MASP2: variants seen among roughly 807,000 people sequenced by gnomAD.
MASP2 encodes MBL associated serine protease 2.
In MASP2, 49 loss-of-function variants were observed where a neutral mutation model predicts 57.1. The ratio of observed to expected loss-of-function variants is 0.86; its 90% confidence interval spans 0.68 to 1.09. MASP2 has a LOEUF of 1.09. MASP2 is among the 50% of genes least tolerant of loss of function. MASP2 has a pLI of 0.00. For synonymous variants in MASP2, 379 were observed against 340.8 expected (o/e 1.11, Z -1.24); for missense variants, 900 against 874.8 (o/e 1.03, Z -0.36).
intron 7 of MASP2, among the ~76,000 whole-genome samples, chr1:11,036,510 CAAAAAAAAAAAAAAAA>C (rs35642467): frequency 3.7e-5 from 2 of 54,330 alleles, no homozygotes; most frequent in Admixed American, 3.5e-4. Context: ...GACTCCGTCT[CAAAAAAAAAAAAAAAA>C]AAAAAAAAAA....
chr1:11,027,559 A>G lies in MASP2; in HGVS notation c.1387T>C (p.Leu463=), dbSNP rs947493762. The G allele has an allele frequency of 3.7e-6, 6 of 1,614,098 alleles. No homozygotes were observed. Among genetic ancestry groups the G allele is most frequent in the African/African-American group, 1.3e-5 (1 of 74,926 alleles). Residue 463 remains leucine (L), a synonymous_variant, in exon 11 of 11, where the codon TTA becomes CTA. Transcript: ENST00000400897. ...PGDFPWQVLI[L]GGTTAAGALL... ...GCACCTGCTGCTGTGGTTCCACCTA[A>G]TATCAGGACTTGCCAAGGAAAATCA... is the stretch of plus-strand genomic sequence containing the variant.
At chr1:11,037,221 AT>A (rs2100888299) in intron 7 of MASP2, among the ~76,000 whole-genome samples, 1 of 149,366 alleles carries the variant, frequency 6.7e-6, no homozygotes, top group East Asian at 1.9e-4. Flanking sequence ...TAATTTTTGT[AT>A]TTTTAGTGGA....
intron 4 of MASP2, 43 bp downstream of exon 4, chr1:11,045,365 A>G: frequency 6.2e-7 from 1 of 1,611,062 alleles, no homozygotes; most frequent in South Asian, 1.1e-5. Flanking sequence ...AGCCCCGGGT[A>G]TCCCAGGAGA....
rs1570746620 is a variant in MASP2, at chr1:11,037,898, A to G, written c.890-87T>C. The G allele has an allele frequency of 1.3e-5, 9 of 707,346 alleles. No individual in the cohort carries two copies. In the South Asian group the frequency reaches 1.8e-4, roughly 14 times the overall value. 43.8% of individuals were successfully genotyped at this position (707,346 alleles called of 1,614,324 possible). A position where few individuals can be genotyped will look rare whatever the true frequency, so the allele number is the denominator to read the frequency against. ...GAGCCATCTGAAGTTCTTAGTTTAT[A>G]AAGAATACTTAACATGTAAAGAGAG... On this transcript the variant is annotated intron_variant, in intron 6 of 10. Coordinates refer to ENST00000400897, the MANE Select transcript of MASP2 (RefSeq NM_006610.4).
intron 8 of MASP2, among the ~76,000 whole-genome samples, chr1:11,031,585 A>G (rs547571393): frequency 6.6e-6 from 1 of 151,230 alleles, no homozygotes; most frequent in Non-Finnish European, 1.5e-5. Context: ...CACAGGTTCA[A>G]TGTAAAAGGT....
chr1:11,042,131 GATGGATGC>G (rs1167286812), intron 6 of MASP2, among the ~76,000 whole-genome samples: 2 of 151,728 alleles, frequency 1.3e-5, no homozygotes, highest in Admixed American at 6.6e-5. Flanking sequence ...GGAAGGAATG[GATGGATGC>G]ATGGATACAT....
rs1156746140 is a variant in MASP2 at position 11,027,652 on chromosome 1, G to T, written c.1298-4C>A. ...GTGCGGGCTGATAGTCCACAAACTG[G>T]AGAAAGAAGCAGATAGGTAGAGAGC... On this transcript the variant is annotated splice_region_variant and splice_polypyrimidine_tract_variant and intron_variant, in intron 10 of 10. Transcript: ENST00000400897. 2.5e-6 allele frequency: 4 copies of T among 1,591,520 alleles called. No homozygotes were observed. The highest frequency in any genetic ancestry group is 1.1e-5 in the South Asian group (1 of 87,840).
Position 11,045,537 on chromosome 1 carries a change from T to C in MASP2, c.415A>G (p.Ile139Val). 5 of 1,604,744 alleles carry C rather than the reference T, an allele frequency of 3.1e-6. No homozygotes were observed. The highest frequency in any genetic ancestry group is 3.4e-6 in the Non-Finnish European group (4 of 1,176,964). Reference sequence around the variant, plus strand: ...CCCGGGGCCACCTGGCACTCGTCAATGTCTGGGGGAGAGGCAGGGCCAGGC... The same window carrying C: ...CCCGGGGCCACCTGGCACTCGTCAACGTCTGGGGGAGAGGCAGGGCCAGGC... ...GFEAFYAAED[I>V]DECQVAPGEA... is the part of the protein sequence containing the mutation. Residue 139 changes from isoleucine to valine, a missense_variant and splice_region_variant, in exon 4 of 11, where the codon ATT (isoleucine) becomes GTT (valine). Ile to Val is a conservative substitution (Grantham distance 29). Transcript: ENST00000400897.
chr1:11,036,545 A>AAAAAAAAAAAAAAAG (rs1557670977), intron 7 of MASP2, among the ~76,000 whole-genome samples: 1 of 148,590 alleles, frequency 6.7e-6, no homozygotes, highest in African/African-American at 2.5e-5. Flanking sequence ...AAACAAAAAA[A>AAAAAAAAAAAAAAAG]AAAGAAACTA....
chr1:11,041,863 T>C (rs926030364), intron 6 of MASP2, among the ~76,000 whole-genome samples: 4 of 144,120 alleles, frequency 2.8e-5, no homozygotes, highest in Admixed American at 2.0e-4. Context: ...GATAGAAGGA[T>C]GGGTGGGTGG....
rs1570732099 is a variant in MASP2 at position 11,027,262 on chromosome 1, T to A, written c.1684A>T (p.Met562Leu). 6.2e-7 allele frequency: 1 copy of A among 1,614,170 alleles called. No individual in the cohort carries two copies. Among genetic ancestry groups the A allele is most frequent in the Non-Finnish European group, 8.5e-7 (1 of 1,180,018 alleles). ...CLPRKEAESFMRTDDIGTASG... is the reference protein window; with the variant it reads ...CLPRKEAESFLRTDDIGTASG... ...GCAGTTCCAATGTCATCTGTCCTCA[T>A]AAAGGATTCAGCTTCTTTTCTTGGC... is the stretch of plus-strand genomic sequence containing the variant. Residue 562 changes from methionine to leucine, a missense_variant, in exon 11 of 11, where the codon ATG becomes TTG. By Grantham distance (15) the Met-to-Leu change is conservative. Transcript: ENST00000400897.
At chr1:11,046,292 C>T (rs1002477549) in intron 3 of MASP2, 11 of 525,194 alleles carry the variant, frequency 2.1e-5, no homozygotes, top group Non-Finnish European at 3.5e-5. Flanking sequence ...GAATTACAGG[C>T]GTGAGCTGCT....
chr1:11,034,821 A>G lies in MASP2; in HGVS notation c.1087+7T>C, dbSNP rs777347460. On this transcript the variant is annotated splice_region_variant and intron_variant, in intron 8 of 10. Transcript: ENST00000400897. Reference sequence around the variant, plus strand: ...TTATGGGGCCTGTAGTCACCACACGACCGTACTGCTGCACGCGGGCATTGG... The same window carrying G: ...TTATGGGGCCTGTAGTCACCACACGGCCGTACTGCTGCACGCGGGCATTGG... The G allele has an allele frequency of 3.1e-6, 5 of 1,608,522 alleles. No homozygotes were observed. The South Asian group carries it at 4.4e-5, about 14-fold the overall frequency.
At chr1:11,027,886 T>A (rs1643766419) in intron 10 of MASP2, among the ~76,000 whole-genome samples, 1 of 152,204 alleles carries the variant, frequency 6.6e-6, no homozygotes, top group South Asian at 2.1e-4. Flanking sequence ...GAAAACTGAC[T>A]TTTAGAAGTT....
chr1:11,044,145 G>A (rs564951435), intron 4 of MASP2, among the ~76,000 whole-genome samples: 92 of 152,324 alleles, frequency 6.0e-4, no homozygotes, highest in African/African-American at 2.1e-3. Context: ...GGAACCATCC[G>A]GAAGAAGGGT....
intron 8 of MASP2, among the ~76,000 whole-genome samples, chr1:11,034,260 A>C (rs1643872891): frequency 6.7e-6 from 1 of 149,366 alleles, no homozygotes. Flanking sequence ...AAAAAAAAAA[A>C]AACCTTGTCA....
At chr1:11,028,258 G>A (rs1643774272) in intron 10 of MASP2, among the ~76,000 whole-genome samples, 1 of 152,112 alleles carries the variant, frequency 6.6e-6, no homozygotes, top group Admixed American at 6.6e-5. Context: ...GGGCAAGCAG[G>A]CATTGTCTGA....
chr1:11,028,721 T>G (rs199756049), intron 10 of MASP2, among the ~76,000 whole-genome samples: 11,626 of 148,364 alleles, frequency 0.078, 1,053 homozygotes, highest in East Asian at 0.2. Context: ...TTTTTTTTTT[T>G]TTTTTTTTTT....
At position 11,026,612 on chromosome 1, in the gene MASP2, G is replaced by T; in HGVS notation, c.*273C>A. On this transcript the variant is annotated 3_prime_UTR_variant, in exon 11 of 11. Transcript: ENST00000400897. ...GTATGAAAAGAGACTGGCTTTTTAA[G>T]GTAATGAAATGTAATTTGAGCAGTG... 3.5e-6 allele frequency: 1 copy of T among 286,732 alleles called. No homozygotes were observed. Among genetic ancestry groups the T allele is most frequent in the Non-Finnish European group, 6.4e-6 (1 of 155,884 alleles). 17.8% of individuals were successfully genotyped at this position (286,732 alleles called of 1,614,324 possible).
Sources: gnomAD v4.1 joint callset for allele counts (sites outside exome capture counted in the v4.1 genomes callset) on GRCh38, gnomAD v4.1.1 for gene constraint, MANE v1.5 for transcripts, NCBI Gene and HGNC (gene_info 2026-07-23, HGNC 2026-07-21) for gene names.